The following CALR3 variants were observed in gnomAD, a reference collection of about 807,000 sequenced individuals.
CALR3 encodes the protein calreticulin 3, also known as calreticulin-3.
In CALR3, 39 loss-of-function variants were observed where a neutral mutation model predicts 48.7. The ratio of observed to expected loss-of-function variants is 0.80; its 90% CI spans 0.62 to 1.05. The LOEUF (loss-of-function observed/expected upper bound fraction) is 1.05. Ranked by LOEUF, CALR3 falls within the 50% of genes least tolerant of loss-of-function variation. CALR3 has a pLI of 0.00. For synonymous variants in CALR3, 185 were observed against 172.7 expected (o/e 1.07, Z -0.56); for missense variants, 449 against 474.7 (o/e 0.95, Z 0.50).
At chr19:16,495,904 G>C in intron 1 of CALR3, 52 bp from the exon 2 acceptor site, 1 of 1,589,082 alleles carries the variant, frequency 6.3e-7, no homozygotes, top group Non-Finnish European at 8.6e-7. Flanking sequence ...GTTAATTTGG[G>C]CTAAGGGAAG....
chr19:16,490,680 T>C, intron 2 of CALR3, 110 bp from the exon 3 acceptor site: 1 of 970,566 alleles, frequency 1.0e-6, no homozygotes, highest in African/African-American at 1.6e-5. Flanking sequence ...TCCTAACCAT[T>C]TACAGTGATC....
At chr19:16,491,924 GT>G (rs1200339305) in intron 2 of CALR3, among the ~76,000 whole-genome samples, 2 of 151,682 alleles carry the variant, frequency 1.3e-5, no homozygotes, top group Admixed American at 6.6e-5. Context: ...CGCCTCCCAG[GT>G]TCAAGCGATT....
rs867966666 is a variant in CALR3 at position 16,482,763 on chromosome 19, T to C, written c.701A>G (p.Asp234Gly). The C allele has an allele frequency of 6.2e-7, 1 of 1,613,408 alleles. No homozygotes were observed. The highest frequency in any genetic ancestry group is 8.5e-7 in the Non-Finnish European group (1 of 1,179,856). Residue 234 changes from aspartate to glycine, a missense_variant, in exon 6 of 9, where the codon GAC (aspartate) becomes GGC (glycine). By Grantham distance (94) the Asp-to-Gly change is moderately conservative. Transcript: ENST00000269881. ...GTCGCTCTGCTTGCTGGTGCTGGCG[T>C]CCAGAAAATGCTTCTCCCAGTCCTT... is the stretch of plus-strand genomic sequence containing the variant. ...KAQDWEKHFL[D>G]ASTSKQSDWN...
chr19:16,490,931 T>C (rs745492417), intron 2 of CALR3, among the ~76,000 whole-genome samples: 3 of 151,664 alleles, frequency 2.0e-5, no homozygotes, highest in Non-Finnish European at 4.4e-5. Flanking sequence ...AGGCTAATTT[T>C]TGTATTTCTA....
chr19:16,492,175 G>A (rs2093399061), intron 2 of CALR3, among the ~76,000 whole-genome samples: 1 of 152,104 alleles, frequency 6.6e-6, no homozygotes, highest in Non-Finnish European at 1.5e-5. Context: ...AGCCTTGAGA[G>A]GCCAGGCATG....
chr19:16,482,360 C>G (rs554015121), intron 7 of CALR3, 90 bp downstream of exon 7: 2 of 1,566,088 alleles, frequency 1.3e-6, no homozygotes, highest in African/African-American at 1.4e-5. Flanking sequence ...GCCTAGGTGA[C>G]AGAATGAGAC....
rs767734348 is a variant in CALR3, at chr19:16,482,564, T to A, written c.804A>T (p.Glu268Asp). 1 of 1,614,108 alleles carries A rather than the reference T, an allele frequency of 6.2e-7. No homozygotes were observed. Among genetic ancestry groups the A allele is most frequent in the East Asian group, 2.2e-5 (1 of 44,880 alleles). ...GGAGCCAGACGTCTTTATGAATACC[T>A]TCTGGTTTCAGGCCATCCTGTATCA... ...KPPYQDGLKPEGIHKDVWLHR... is the reference protein window; with the variant it reads ...KPPYQDGLKPDGIHKDVWLHR... Residue 268 changes from glutamate (E) to aspartate (D), a missense_variant, in exon 7 of 9, where the codon GAA becomes GAT. By Grantham distance (45) the Glu-to-Asp change is conservative. Transcript: ENST00000269881.
intron 3 of CALR3, among the ~76,000 whole-genome samples, chr19:16,485,773 C>T (rs1375676652): frequency 6.6e-6 from 1 of 152,022 alleles, no homozygotes; most frequent in East Asian, 1.9e-4. Context: ...CCTGCATCAA[C>T]CTCCCGAGTA....
At chr19:16,488,587 T>G (rs185720673) in intron 3 of CALR3, among the ~76,000 whole-genome samples, 1 of 152,058 alleles carries the variant, frequency 6.6e-6, no homozygotes, top group African/African-American at 2.4e-5. Flanking sequence ...TTTGTATTTT[T>G]AGTAGAGATA....
rs943934704 is a variant in CALR3, at chr19:16,491,633, G to A, written c.194-1063C>T. Among the ~76,000 whole-genome samples the A allele has an allele frequency of 2.5e-4, 37 of 149,904 alleles. No individual in the cohort carries two copies. In the Middle Eastern group the frequency reaches 0.01, roughly 42 times the overall value. ...CTCTACTAAAAATACAAAAATTAGC[G>A]GGGTGTGGTGGCATGTGCCTGTAGT... On this transcript the variant is annotated intron_variant, in intron 2 of 8. Coordinates refer to ENST00000269881, the MANE Select transcript of CALR3 (RefSeq NM_145046.5).
At chr19:16,490,103 A>G (rs2093395456) in intron 3 of CALR3, among the ~76,000 whole-genome samples, 1 of 152,218 alleles carries the variant, frequency 6.6e-6, no homozygotes, top group African/African-American at 2.4e-5. Context: ...CAGATAAGGT[A>G]TCCTTACCCT....
intron 8 of CALR3, 53 bp downstream of exon 8, chr19:16,480,561 A>G: frequency 7.2e-7 from 1 of 1,381,590 alleles, no homozygotes; most frequent in South Asian, 1.2e-5. Flanking sequence ...AAAAAAAAAA[A>G]ATTTACACAA....
chr19:16,482,904 G>T, intron 5 of CALR3, 119 bp from the exon 6 acceptor site: 1 of 909,908 alleles, frequency 1.1e-6, no homozygotes, highest in Non-Finnish European at 1.7e-6. Flanking sequence ...GAGTGCGGTT[G>T]TGCAATCATG....
chr19:16,485,450 G>A (rs186881970), intron 3 of CALR3, among the ~76,000 whole-genome samples, 193 bp from the exon 4 acceptor site: 5 of 151,918 alleles, frequency 3.3e-5, no homozygotes, highest in Non-Finnish European at 5.9e-5. Flanking sequence ...CTCCTGAGTA[G>A]CTGGGACTAC....
Position 16,490,436 on chromosome 19 carries a change from T to A in CALR3, c.328A>T (p.Ile110Phe). ...TCAATGTCTGCAGGAAAGACCTTAA[T>A]GTAGCCCCCTCCACAGTCCATCTTC... ...EQKMDCGGGY[I>F]KVFPADIDQK... Residue 110 changes from isoleucine (I) to phenylalanine (F), a missense_variant, in exon 3 of 9, where the codon ATT (isoleucine) becomes TTT (phenylalanine). Ile to Phe is a conservative substitution (Grantham distance 21, BLOSUM62 0). Coordinates refer to ENST00000269881, the MANE Select transcript of CALR3 (RefSeq NM_145046.5). The A allele has an allele frequency of 6.2e-7, 1 of 1,614,184 alleles. No homozygotes were observed. Among genetic ancestry groups the A allele is most frequent in the Non-Finnish European group, 8.5e-7 (1 of 1,180,044 alleles).
chr19:16,484,128 G>C lies in CALR3; in HGVS notation c.493-13C>G, dbSNP rs769966759. 1.2e-6 allele frequency: 2 copies of C among 1,611,070 alleles called. No homozygotes were observed. The highest frequency in any genetic ancestry group is 2.2e-5 in the South Asian group (2 of 90,850). Reference sequence around the variant, plus strand: ...TGAAGCCATCAACCTGCATATTTTAGGGGGAAAAGCGTAACAATTAAATCC... The same window carrying C: ...TGAAGCCATCAACCTGCATATTTTACGGGGAAAAGCGTAACAATTAAATCC... On this transcript the variant is annotated splice_polypyrimidine_tract_variant and intron_variant, in intron 4 of 8. Coordinates refer to ENST00000269881, the MANE Select transcript of CALR3 (RefSeq NM_145046.5).
intron 3 of CALR3, among the ~76,000 whole-genome samples, chr19:16,486,335 G>A (rs1599719144): frequency 6.9e-6 from 1 of 145,164 alleles, no homozygotes; most frequent in Non-Finnish European, 1.5e-5. Flanking sequence ...AAAAAAAAAA[G>A]TGTGGGCTGG....
At chr19:16,491,131 A>T (rs2093397350) in intron 2 of CALR3, among the ~76,000 whole-genome samples, 2 of 136,882 alleles carry the variant, frequency 1.5e-5, no homozygotes, top group South Asian at 4.7e-4. Flanking sequence ...TAGTTAATTA[A>T]TTATTTTTTG....
chr19:16,494,847 T>C (rs1451874268), intron 2 of CALR3, among the ~76,000 whole-genome samples: 2 of 152,180 alleles, frequency 1.3e-5, no homozygotes, highest in East Asian at 3.8e-4. Context: ...TACCATTGCA[T>C]ATTTGACAGT....
Sources: allele counts gnomAD v4.1 joint callset (sites outside exome capture counted in the v4.1 genomes callset), GRCh38; gene constraint gnomAD v4.1.1; transcripts MANE v1.5; gene names NCBI Gene and HGNC (gene_info 2026-07-23, HGNC 2026-07-21).